NDE1: variants seen among roughly 807,000 people sequenced by gnomAD.
NDE1 encodes the protein nuclear distribution protein nudE homolog 1.
NDE1 carries 28 observed loss-of-function variants against 43.4 expected under a neutral mutation model. The observed-to-expected ratio is 0.65, with a 90% confidence interval of 0.48 to 0.89. NDE1 has a LOEUF of 0.89. NDE1 is among the 40% of genes least tolerant of loss of function. NDE1 has a pLI of 0.00. For missense variants in NDE1, 441 were observed against 434.1 expected (o/e 1.02, Z -0.14); for synonymous variants, 184 against 172.0 (o/e 1.07, Z -0.55).
intron 3 of NDE1, among the ~76,000 whole-genome samples, chr16:15,668,561 C>A (rs907752153): frequency 6.6e-6 from 1 of 152,082 alleles, no homozygotes; most frequent in Non-Finnish European, 1.5e-5. Flanking sequence ...CACCACCTGG[C>A]CAGGGAGACA....
chr16:15,665,558 C>G (rs1414372603), intron 2 of NDE1, among the ~76,000 whole-genome samples: 1 of 151,932 alleles, frequency 6.6e-6, no homozygotes, highest in Non-Finnish European at 1.5e-5. Context: ...ATTCTCGTGC[C>G]TCAGCTTCTC....
chr16:15,675,348 G>A lies in NDE1; in HGVS notation c.238-2453G>A, dbSNP rs1401474283. 3.3e-5 allele frequency among the ~76,000 whole-genome samples: 5 copies of A among 151,500 alleles called. No homozygotes were observed. The East Asian group carries it at 5.8e-4, about 18-fold the overall frequency. On this transcript the variant is annotated intron_variant, in intron 3 of 8. Transcript: ENST00000396354. ...CAAGTAGCTGGGATTATAGACGCCCGCCACCAGGCCCAGCTAATTTTTTGT... is the reference window on the plus strand; with the variant it reads ...CAAGTAGCTGGGATTATAGACGCCCACCACCAGGCCCAGCTAATTTTTTGT...
chr16:15,721,115 C>G (rs1040043057), intron 8 of NDE1: 2 of 1,568,336 alleles, frequency 1.3e-6, no homozygotes, highest in African/African-American at 2.7e-5. Flanking sequence ...TTGAGAAACC[C>G]ACCGTGAGCG....
chr16:15,687,162 G>C (rs745679044), intron 4 of NDE1: 1 of 1,465,664 alleles, frequency 6.8e-7, no homozygotes, highest in Non-Finnish European at 9.0e-7. Flanking sequence ...TGACAGCCTC[G>C]TGCACCCCAT....
intron 1 of NDE1, among the ~76,000 whole-genome samples, chr16:15,650,756 C>T (rs939788683): frequency 2.6e-5 from 4 of 152,080 alleles, no homozygotes; most frequent in African/African-American, 9.7e-5. Flanking sequence ...TTTTCTCTCT[C>T]TCTCCTATTC....
At chr16:15,649,628 T>G (rs367906074), upstream of NDE1, among the ~76,000 whole-genome samples, 9 of 152,258 alleles carry the variant, frequency 5.9e-5, no homozygotes, top group African/African-American at 2.2e-4. Context: ...AGACCCATAA[T>G]GGCGTTTTAT....
chr16:15,691,146 T>C lies in NDE1; in HGVS notation c.526T>C (p.Leu176=), dbSNP rs764603231. Reference sequence around the variant, plus strand: ...CCTGAATCCTTTTTCTGGCACAGATTTGCGGCAGGAACTGGCCGTGCAGCA... The same window carrying C: ...CCTGAATCCTTTTTCTGGCACAGATCTGCGGCAGGAACTGGCCGTGCAGCA... The part of the protein sequence containing the change: ...VQRLKDEARD[L]RQELAVQQKQ... Residue 176 remains leucine (L), a splice_region_variant and synonymous_variant, in exon 6 of 9, where the codon TTG becomes CTG. Transcript: ENST00000396354. The C allele has an allele frequency of 6.2e-7, 1 of 1,614,024 alleles. No individual in the cohort carries two copies. Among genetic ancestry groups the C allele is most frequent in the South Asian group, 1.1e-5 (1 of 91,088 alleles).
intron 3 of NDE1, among the ~76,000 whole-genome samples, chr16:15,674,967 G>T (rs2151474654): frequency 6.6e-6 from 1 of 152,202 alleles, no homozygotes; most frequent in Middle Eastern, 3.4e-3. Context: ...GGCTTGCGTT[G>T]CCCCTGTGGA....
chr16:15,721,038 T>G (rs2151208984), intron 8 of NDE1: 1 of 1,613,996 alleles, frequency 6.2e-7, no homozygotes, highest in East Asian at 2.2e-5. Context: ...CTTGGACTTC[T>G]CCAGCTCATG....
chr16:15,693,484 G>C (rs560808756), intron 6 of NDE1, among the ~76,000 whole-genome samples: 4 of 152,128 alleles, frequency 2.6e-5, no homozygotes, highest in Non-Finnish European at 5.9e-5. Context: ...ATTTCAAAAG[G>C]ATTTGTTTTG....
intron 8 of NDE1, among the ~76,000 whole-genome samples, chr16:15,720,603 T>A (rs1042755588): frequency 8.1e-5 from 12 of 148,540 alleles, no homozygotes; most frequent in South Asian, 2.2e-4. Context: ...AAAAAAAAAA[T>A]TAGCTAGGTA....
intron 4 of NDE1, among the ~76,000 whole-genome samples, chr16:15,681,416 C>T (rs2038177146): frequency 6.6e-6 from 1 of 151,224 alleles, no homozygotes; most frequent in Non-Finnish European, 1.5e-5. Context: ...AGGCATGTGC[C>T]ACTATACCTG....
chr16:15,719,462 T>C, intron 8 of NDE1: 10 of 1,536,798 alleles, frequency 6.5e-6, no homozygotes, highest in Non-Finnish European at 8.0e-6. Context: ...AGCGTGTGTC[T>C]TTCTAGACAG....
chr16:15,659,609 A>C lies in NDE1; in HGVS notation c.-43-5127A>C, dbSNP rs192198614. Among the ~76,000 whole-genome samples, 6 of 150,178 alleles carry C rather than the reference A, an allele frequency of 4.0e-5. No individual in the cohort carries two copies. In the East Asian group the frequency reaches 5.9e-4, roughly 15 times the overall value. On this transcript the variant is annotated intron_variant, in intron 1 of 8. Coordinates refer to ENST00000396354, the MANE Select transcript of NDE1 (RefSeq NM_017668.3). ...ACACCACCATGCCCGGCTAATTTTTATATTTTTAGTAGAGATGGGGTTTCA... is the reference window on the plus strand; with the variant it reads ...ACACCACCATGCCCGGCTAATTTTTCTATTTTTAGTAGAGATGGGGTTTCA...
chr16:15,677,775 C>T, intron 3 of NDE1, 26 bp from the exon 4 acceptor site: 3 of 1,613,820 alleles, frequency 1.9e-6, no homozygotes, highest in African/African-American at 1.3e-5. Flanking sequence ...TTAAGTCATT[C>T]ACTCAGTGTC....
chr16:15,720,643 T>G (rs1214667991), intron 8 of NDE1, among the ~76,000 whole-genome samples: 1 of 150,902 alleles, frequency 6.6e-6, no homozygotes, highest in Non-Finnish European at 1.5e-5. Context: ...TCCAAGCTAC[T>G]CGGGAGGCTG....
At chr16:15,686,509 C>G (rs2038446435) in intron 4 of NDE1, 2 of 985,200 alleles carry the variant, frequency 2.0e-6, no homozygotes, top group Non-Finnish European at 2.4e-6. Flanking sequence ...ATGATCTCTT[C>G]CACCTGCTTA....
chr16:15,706,549 T>C (rs542935285), intron 8 of NDE1, among the ~76,000 whole-genome samples: 46 of 152,080 alleles, frequency 3.0e-4, no homozygotes, highest in Non-Finnish European at 5.1e-4. Context: ...CTCTACTAAA[T>C]ATACTAAATT....
chr16:15,671,956 G>A (rs1038048983), intron 3 of NDE1, among the ~76,000 whole-genome samples: 8 of 152,018 alleles, frequency 5.3e-5, no homozygotes, highest in African/African-American at 1.9e-4. Context: ...TCAAAGTGCT[G>A]GGATTACAGG....
Sources: allele counts gnomAD v4.1 joint callset (sites outside exome capture counted in the v4.1 genomes callset), GRCh38; gene constraint gnomAD v4.1.1; transcripts MANE v1.5; gene names NCBI Gene and HGNC (gene_info 2026-07-23, HGNC 2026-07-21).